CROCC: variants seen among roughly 807,000 people sequenced by gnomAD.
The protein encoded by CROCC is ciliary rootlet coiled-coil, rootletin, also known as rootletin.
CROCC carries 180 observed loss-of-function variants against 245.2 expected under a neutral mutation model. That is an observed-to-expected ratio of 0.73 (90% CI 0.65 to 0.83). The LOEUF (loss-of-function observed/expected upper bound fraction) is 0.83, where lower values mean the gene tolerates loss of function less well. CROCC is among the 40% of genes least tolerant of loss of function. CROCC has a pLI of 0.00. For missense variants in CROCC, 2,688 were observed against 2,779.4 expected (o/e 0.97, Z 0.74); for synonymous variants, 1,205 against 1,241.6 (o/e 0.97, Z 0.62).
At position 16,955,453 on chromosome 1, in the gene CROCC, C is replaced by T. The variant is rs532994912; in HGVS notation, c.3607C>T (p.Arg1203Cys). ...VQRQEAGELRRSLGEGAKERE... is the reference protein window; with the variant it reads ...VQRQEAGELRCSLGEGAKERE... ...GCGCCAGGAGGCAGGCGAGCTGCGA[C>T]GCAGCCTGGGCGAGGGTGCCAAGGA... The change falls in exon 24 of 37, where the codon CGC becomes TGC. Residue 1203 changes from arginine (R) to cysteine (C), a missense_variant. Physicochemically the swap from Arg to Cys is radical, Grantham distance 180. Coordinates refer to ENST00000375541, the MANE Select transcript of CROCC (RefSeq NM_014675.5). 23 of 1,593,696 alleles carry T rather than the reference C, an allele frequency of 1.4e-5. No homozygotes were observed. The highest frequency in any genetic ancestry group is 1.1e-4 in the South Asian group (10 of 89,476).
upstream of CROCC, among the ~76,000 whole-genome samples, chr1:16,918,574 G>A (rs2075337697): frequency 6.6e-6 from 1 of 152,212 alleles, no homozygotes; most frequent in Admixed American, 6.5e-5. Context: ...TGGGCATGCA[G>A]GGCTGGACAT....
chr1:16,931,223 A>C lies in CROCC; in HGVS notation c.850-68A>C, dbSNP rs567709449. 4.9e-5 allele frequency: 67 copies of C among 1,368,570 alleles called. No homozygotes were observed. In the East Asian group the frequency reaches 1.5e-3, roughly 31 times the overall value. The allele number at this position is 1,368,570 out of a possible 1,614,324, so 84.8% of individuals were successfully genotyped here. A position where few individuals can be genotyped will look rare whatever the true frequency, so the allele number is the denominator to read the frequency against. ...GTGCCTCCCAGGATGGTCGGAGATG[A>C]GGGAAGCAGTGGGAGGGAGTAAACC... On this transcript the variant is annotated intron_variant, in intron 7 of 36. Coordinates refer to ENST00000375541, the MANE Select transcript of CROCC (RefSeq NM_014675.5).
intron 13 of CROCC, among the ~76,000 whole-genome samples, chr1:16,941,651 G>A (rs1346924123): frequency 6.6e-6 from 1 of 151,846 alleles, no homozygotes; most frequent in East Asian, 1.9e-4. Flanking sequence ...AGAATGGCCT[G>A]AACCCGGGAG....
At chr1:16,949,255 G>C (rs1269235895) in intron 19 of CROCC, among the ~76,000 whole-genome samples, 2 of 152,248 alleles carry the variant, frequency 1.3e-5, no homozygotes, top group African/African-American at 4.8e-5. Context: ...AGGCCTGTTA[G>C]TCTGAGTTCT....
chr1:16,964,475 C>T (rs943725562), intron 27 of CROCC, among the ~76,000 whole-genome samples: 38 of 151,852 alleles, frequency 2.5e-4, no homozygotes, highest in African/African-American at 9.0e-4. Flanking sequence ...CTCTGCCTCC[C>T]AGGTCCCAGT....
At chr1:16,926,592 C>A (rs2075539523) in intron 3 of CROCC, among the ~76,000 whole-genome samples, 1 of 152,274 alleles carries the variant, frequency 6.6e-6, no homozygotes, top group Non-Finnish European at 1.5e-5. Context: ...ACTGCATGTC[C>A]TGCAGGGAAA....
At chr1:16,962,534 CAA>C (rs1197806001) in intron 27 of CROCC, among the ~76,000 whole-genome samples, 3 of 21,882 alleles carry the variant, frequency 1.4e-4, no homozygotes, top group Admixed American at 6.1e-4. Context: ...GACTCCGTCT[CAA>C]AAAAAAAAAA....
rs1202171893 is a variant in CROCC, at chr1:16,944,214, C to A, written c.1923C>A (p.Asp641Glu). 2.6e-6 allele frequency: 4 copies of A among 1,555,164 alleles called. No individual in the cohort carries two copies. Among genetic ancestry groups the A allele is most frequent in the African/African-American group, 2.7e-5 (2 of 73,548 alleles). ...AAQEELRRQRDRLEEEQEDAV... is the reference protein window; with the variant it reads ...AAQEELRRQRERLEEEQEDAV... ...AGGAGGAGCTGCGGCGCCAGCGGGA[C>A]CGGCTGGAGGAAGAGCAGGAGGACG... Residue 641 changes from aspartate (D) to glutamate (E), a missense_variant, in exon 14 of 37, where the codon GAC becomes GAA. Physicochemically the swap from Asp to Glu is conservative, Grantham distance 45. Transcript: ENST00000375541.
intron 27 of CROCC, among the ~76,000 whole-genome samples, chr1:16,964,362 A>C (rs1243865050): frequency 4.8e-5 from 6 of 126,180 alleles, no homozygotes; most frequent in African/African-American, 9.1e-5. Flanking sequence ...TTCCTTCCTT[A>C]CTTTCTTTTC....
intron 31 of CROCC, among the ~76,000 whole-genome samples, chr1:16,968,751 C>T (rs918141027): frequency 9.2e-5 from 14 of 152,322 alleles, no homozygotes; most frequent in African/African-American, 2.4e-4. Context: ...TTAAATAATA[C>T]GGCTAGCCTT....
Position 16,972,671 on chromosome 1 carries a change from G to A in CROCC, c.*225G>A, listed in dbSNP as rs1458061172. On this transcript the variant is annotated 3_prime_UTR_variant, in exon 37 of 37. Coordinates refer to ENST00000375541, the MANE Select transcript of CROCC (RefSeq NM_014675.5). ...CCCCCCTCTTCTAGGATGAGCCACT[G>A]TAGATCATTAAAGTTCCTCCTTGAG... is the stretch of plus-strand genomic sequence containing the variant. 2.3e-6 allele frequency: 1 copy of A among 438,156 alleles called. No individual in the cohort carries two copies. The highest frequency in any genetic ancestry group is 4.0e-6 in the Non-Finnish European group (1 of 247,512). The allele number at this position is 438,156 out of a possible 1,614,324, so 27.1% of individuals were successfully genotyped here.
Position 16,946,845 on chromosome 1 carries a change from C to T in CROCC, c.2368C>T (p.Leu790=). 6.4e-7 allele frequency: 1 copy of T among 1,554,712 alleles called. No homozygotes were observed. Among genetic ancestry groups the T allele is most frequent in the African/African-American group, 1.4e-5 (1 of 73,478 alleles). Residue 790 remains leucine (L), a synonymous_variant, in exon 17 of 37, where the codon CTA becomes TTA. Coordinates refer to ENST00000375541, the MANE Select transcript of CROCC (RefSeq NM_014675.5). ...AGTGGCGCGGGAAGAGCAGGAACGG[C>T]TAGAGGAGCTGCGGTTGGAGCAGGA... ...ATVAREEQER[L]EELRLEQEVA...
rs749648666 is a variant in CROCC, at chr1:16,950,958, T to C, written c.2842T>C (p.Leu948=). The C allele has an allele frequency of 5.2e-6, 8 of 1,548,932 alleles. No homozygotes were observed. Among genetic ancestry groups the C allele is most frequent in the Admixed American group, 2.0e-5 (1 of 49,982 alleles). ...LLAKETLTGE[L]AGLRQQIIAT... ...CCCCCATTCCTCTCGTGCAGGGGAG[T>C]TGGCGGGCCTGCGGCAGCAAATAAT... Residue 948 remains leucine (L), a synonymous_variant, in exon 20 of 37, where the codon TTG becomes CTG. Transcript: ENST00000375541.
chr1:16,916,136 C>T (rs1040197333), intron 1 of CROCC, among the ~76,000 whole-genome samples: 1 of 151,584 alleles, frequency 6.6e-6, no homozygotes, highest in Non-Finnish European at 1.5e-5. Context: ...AGATTGTGCA[C>T]CACTGCACTC....
chr1:16,948,647 C>T, intron 18 of CROCC, 123 bp downstream of exon 18: 2 of 1,504,722 alleles, frequency 1.3e-6, no homozygotes, highest in East Asian at 2.3e-5. Flanking sequence ...GCCGACTCGT[C>T]CTAGCTGTGG....
At chr1:16,946,732 A>T in intron 16 of CROCC, 29 bp from the exon 17 acceptor site, 8 of 1,545,802 alleles carry the variant, frequency 5.2e-6, no homozygotes, top group Non-Finnish European at 6.1e-6. Flanking sequence ...CGCCCTGCTC[A>T]CGAGGCCCCA....
intron 1 of CROCC, among the ~76,000 whole-genome samples, chr1:16,914,623 G>C (rs1386000269): frequency 6.6e-6 from 1 of 152,294 alleles, no homozygotes; most frequent in Non-Finnish European, 1.5e-5. Flanking sequence ...GCGCATAGTT[G>C]GGCTGGCCAC....
intron 15 of CROCC, among the ~76,000 whole-genome samples, 192 bp from the exon 16 acceptor site, chr1:16,946,067 G>A (rs1372119499): frequency 1.3e-5 from 2 of 152,278 alleles, no homozygotes; most frequent in African/African-American, 2.4e-5. Context: ...GCTCTGTGGT[G>A]TGTGGCTTTT....
intron 27 of CROCC, among the ~76,000 whole-genome samples, chr1:16,964,713 T>G (rs1275463980): frequency 1.3e-5 from 2 of 152,042 alleles, no homozygotes; most frequent in Non-Finnish European, 2.9e-5. Context: ...AGACGGAGTC[T>G]CGCTGTGTTA....
Sources: gnomAD v4.1 joint callset for allele counts (sites outside exome capture counted in the v4.1 genomes callset) on GRCh38, gnomAD v4.1.1 for gene constraint, MANE v1.5 for transcripts, NCBI Gene and HGNC (gene_info 2026-07-23, HGNC 2026-07-21) for gene names.